Variants in NCK2 observed in about 807,000 individuals in gnomAD.
The protein encoded by NCK2 is NCK adaptor protein 2.
Under a neutral mutation model 33.9 loss-of-function variants are expected in NCK2, and 16 were observed. The ratio of observed to expected loss-of-function variants is 0.47; its 90% CI spans 0.32 to 0.72. NCK2 has a LOEUF of 0.72. NCK2 is among the 30% of genes least tolerant of loss of function. The pLI is 0.03. For missense variants in NCK2, 418 were observed against 537.3 expected, an observed-to-expected ratio of 0.78 and a Z score of 2.19; for synonymous variants, 273 against 239.9, an observed-to-expected ratio of 1.14 and a Z score of -1.27.
At chr2:105,846,935 T>A (rs1442989418) in intron 2 of NCK2, among the ~76,000 whole-genome samples, 1 of 152,222 alleles carries the variant, frequency 6.6e-6, no homozygotes. Flanking sequence ...GAGTGATGGA[T>A]GAACGGACCA....
chr2:105,853,822 CA>C, intron 2 of NCK2: 1 of 152,218 alleles, frequency 6.6e-6, no homozygotes, highest in Non-Finnish European at 1.5e-5. Context: ...GAGGAAACAT[CA>C]GGGGTGGAGC....
chr2:105,774,011 C>CTTTT (rs34519484), intron 1 of NCK2, among the ~76,000 whole-genome samples: 4 of 142,624 alleles, frequency 2.8e-5, no homozygotes, highest in South Asian at 2.2e-4. Context: ...TTCCAGCTAT[C>CTTTT]TTTTTTTTTT....
intron 4 of NCK2, among the ~76,000 whole-genome samples, chr2:105,890,346 A>G (rs1419149386): frequency 6.6e-6 from 1 of 152,220 alleles, no homozygotes; most frequent in Non-Finnish European, 1.5e-5. Flanking sequence ...TGTATCTTAC[A>G]TCTACCATGA....
chr2:105,886,054 T>C (rs1478048789), intron 4 of NCK2, among the ~76,000 whole-genome samples: 2 of 152,246 alleles, frequency 1.3e-5, no homozygotes, highest in African/African-American at 2.4e-5. Flanking sequence ...CCGTGATCCA[T>C]GGTGTTTCTT....
intron 2 of NCK2, chr2:105,854,167 C>A (rs1431991783): frequency 6.6e-6 from 1 of 152,176 alleles, no homozygotes; most frequent in Admixed American, 6.5e-5. Context: ...TCCGCTATGT[C>A]TTTTCATGGC....
At chr2:105,827,915 A>G (rs1243714754) in intron 2 of NCK2, among the ~76,000 whole-genome samples, 2 of 152,172 alleles carry the variant, frequency 1.3e-5, no homozygotes, top group Non-Finnish European at 2.9e-5. Context: ...GTTTACACAC[A>G]TGATGAAATG....
chr2:105,859,875 T>G (rs1677445084), intron 3 of NCK2, among the ~76,000 whole-genome samples: 1 of 152,182 alleles, frequency 6.6e-6, no homozygotes, highest in African/African-American at 2.4e-5. Context: ...CTGGGGTCTG[T>G]GGGGCAGGCT....
rs868492241 is a variant in NCK2 at position 105,780,343 on chromosome 2, C to T, written c.-201+35205C>T. On this transcript the variant is annotated intron_variant, in intron 1 of 4. Transcript: ENST00000233154. ...AGATATATACACACACACACACACA[C>T]ACACACACACACACACACACATTCA... Among the ~76,000 whole-genome samples the T allele has an allele frequency of 5.5e-3, 835 of 150,740 alleles. 10 individuals are homozygous for T. The highest frequency in any genetic ancestry group is 0.019 in the African/African-American group (788 of 40,600).
chr2:105,856,041 A>G (rs1364692828), intron 3 of NCK2, among the ~76,000 whole-genome samples: 1 of 152,092 alleles, frequency 6.6e-6, no homozygotes. Context: ...TCACTGTGTT[A>G]GCCAGGATGA....
In NCK2 at chr2:105,855,288, A is replaced by G. The variant is rs781013802; in HGVS notation, c.225A>G (p.Leu75=). The change falls in exon 3 of 5, where the codon CTA becomes CTG. Residue 75 remains leucine, a splice_region_variant and synonymous_variant. Coordinates refer to ENST00000233154, the MANE Select transcript of NCK2 (RefSeq NM_003581.5). ...GSLVKNLKDT[L]GLGKTRRKTS... ...TCGTGAAGAACCTGAAGGACACACT[A>G]GGTGAGTGTTTCACCCTCGAGAGAG... is the stretch of plus-strand genomic sequence containing the variant. The G allele has an allele frequency of 1.9e-6, 3 of 1,593,568 alleles. No homozygotes were observed. The Admixed American group carries it at 5.2e-5, about 28-fold the overall frequency.
chr2:105,753,019 T>C (rs943104916), intron 1 of NCK2, among the ~76,000 whole-genome samples: 1 of 152,176 alleles, frequency 6.6e-6, no homozygotes, highest in Admixed American at 6.5e-5. Flanking sequence ...TCTTCATCGC[T>C]AAGGAAAGGG....
Position 105,881,420 on chromosome 2 carries a change from G to T in NCK2, c.319G>T (p.Asp107Tyr). ...GTACCCCGCCAATGGCAGCGGCGCC[G>T]ACCGCATCTACGACCTCAACATCCC... is the stretch of plus-strand genomic sequence containing the variant. ...AEYPANGSGA[D>Y]RIYDLNIPAF... The change falls in exon 4 of 5, where the codon GAC becomes TAC. Residue 107 changes from aspartate to tyrosine, a missense_variant. Transcript: ENST00000233154. The T allele has an allele frequency of 6.2e-7, 1 of 1,612,974 alleles. No individual in the cohort carries two copies. The highest frequency in any genetic ancestry group is 8.5e-7 in the Non-Finnish European group (1 of 1,179,944).
chr2:105,844,018 G>A (rs950721394), intron 2 of NCK2, among the ~76,000 whole-genome samples: 1 of 152,188 alleles, frequency 6.6e-6, no homozygotes, highest in African/African-American at 2.4e-5. Flanking sequence ...ATGGTAAGAT[G>A]AGAATAGCAT....
chr2:105,831,019 T>G lies in NCK2; in HGVS notation c.-17+14406T>G, dbSNP rs74389573. Among the ~76,000 whole-genome samples, 439 of 152,332 alleles carry G rather than the reference T, an allele frequency of 2.9e-3. 1 individual carries two copies. The highest frequency in any genetic ancestry group is 9.4e-3 in the African/African-American group (389 of 41,566). On this transcript the variant is annotated intron_variant, in intron 2 of 4. Transcript: ENST00000233154. The stretch of plus-strand genomic sequence containing the variant: ...TGAATAGTTTGCAAATACTTTCCCC[T>G]ATTCCAGAGTGTCTCTTCATTTGAT...
intron 2 of NCK2, 115 bp from the exon 3 acceptor site, chr2:105,854,933 A>C: frequency 3.3e-5 from 23 of 695,082 alleles, no homozygotes; most frequent in African/African-American, 5.4e-5. Flanking sequence ...ACCCAGGAGA[A>C]AACTGGTTGC....
At chr2:105,827,325 A>T (rs1675993106) in intron 2 of NCK2, among the ~76,000 whole-genome samples, 1 of 152,186 alleles carries the variant, frequency 6.6e-6, no homozygotes, top group African/African-American at 2.4e-5. Flanking sequence ...GTATGCATGC[A>T]CCAAACAACA....
Position 105,886,451 on chromosome 2 carries a change from G to A in NCK2, c.948+4402G>A, listed in dbSNP as rs567772168. On this transcript the variant is annotated intron_variant, in intron 4 of 4. Coordinates refer to ENST00000233154, the MANE Select transcript of NCK2 (RefSeq NM_003581.5). ...GCTAGAATGCAGATTGCCCCAGCTTGCTGACTTCGAATCTCTGGGGTAGGG... is the reference window on the plus strand; with the variant it reads ...GCTAGAATGCAGATTGCCCCAGCTTACTGACTTCGAATCTCTGGGGTAGGG... Among the ~76,000 whole-genome samples, 3 of 152,344 alleles carry A rather than the reference G, an allele frequency of 2.0e-5. No homozygotes were observed. The East Asian group carries it at 5.8e-4, about 29-fold the overall frequency.
intron 3 of NCK2, among the ~76,000 whole-genome samples, chr2:105,879,175 CAT>C (rs1469365256): frequency 6.6e-6 from 1 of 152,080 alleles, no homozygotes; most frequent in Non-Finnish European, 1.5e-5. Context: ...TTGTAATTCA[CAT>C]GTTTGCAAAG....
In NCK2 at chr2:105,824,627, G is replaced by A. The variant is rs560816273; in HGVS notation, c.-17+8014G>A. ...TCCCAGTCGTTAAGTACCACGTCTCGGCGGCGTGTGCTTAGAACAGAGGTC... is the reference window on the plus strand; with the variant it reads ...TCCCAGTCGTTAAGTACCACGTCTCAGCGGCGTGTGCTTAGAACAGAGGTC... On this transcript the variant is annotated intron_variant, in intron 2 of 4. Transcript: ENST00000233154. Among the ~76,000 whole-genome samples, 9 of 152,238 alleles carry A rather than the reference G, an allele frequency of 5.9e-5. No homozygotes were observed. In the East Asian group the frequency reaches 7.7e-4, roughly 13 times the overall value.
Sources: allele counts gnomAD v4.1 joint callset (sites outside exome capture counted in the v4.1 genomes callset), GRCh38; gene constraint gnomAD v4.1.1; transcripts MANE v1.5; gene names NCBI Gene and HGNC (gene_info 2026-07-23, HGNC 2026-07-21).